The following ZSCAN25 variants were observed in gnomAD, a reference collection of about 807,000 sequenced individuals.
ZSCAN25 encodes the protein zinc finger and SCAN domain-containing protein 25.
A neutral mutation model predicts 38.7 loss-of-function variants in ZSCAN25; 27 were observed. The observed-to-expected ratio is 0.70, with a 90% CI of 0.51 to 0.96. The LOEUF is 0.96. Among genes scored for constraint, ZSCAN25 ranks in the 40% least tolerant of loss-of-function variants. The pLI is 0.00. For synonymous variants in ZSCAN25, 273 were observed against 277.7 expected, an observed-to-expected ratio of 0.98 and a Z score of 0.17; for missense variants, 637 against 705.9, an observed-to-expected ratio of 0.90 and a Z score of 1.11.
At chr7:99,678,841 T>C in the ZSCAN25 span, among the ~76,000 whole-genome samples, 1 of 152,164 alleles carries the variant, frequency 6.6e-6, no homozygotes, top group African/African-American at 2.4e-5. Flanking sequence ...TTAATAAAAG[T>C]CAAATTGAGG....
At chr7:99,648,022 T>C in the ZSCAN25 span, 6 of 985,180 alleles carry the variant, frequency 6.1e-6, no homozygotes, top group African/African-American at 8.7e-5. Flanking sequence ...TCAGGAGGAG[T>C]TGATAATGCT....
chr7:99,708,094 G>C, the ZSCAN25 span: 2 of 1,407,234 alleles, frequency 1.4e-6, no homozygotes, highest in Non-Finnish European at 2.0e-6. Flanking sequence ...TACTTTTGTG[G>C]GCTAGTCACT....
chr7:99,688,052 A>T, the ZSCAN25 span, among the ~76,000 whole-genome samples: 1 of 152,242 alleles, frequency 6.6e-6, no homozygotes, highest in East Asian at 1.9e-4. Flanking sequence ...AACTGGTACC[A>T]GCCACTGCAA....
the ZSCAN25 span, among the ~76,000 whole-genome samples, chr7:99,737,950 G>T: frequency 6.6e-6 from 1 of 152,174 alleles, no homozygotes; most frequent in Non-Finnish European, 1.5e-5. Flanking sequence ...TGTCAAGGAA[G>T]ATACTATGCA....
At chr7:99,648,968 C>T in the ZSCAN25 span, among the ~76,000 whole-genome samples, 67 of 152,216 alleles carry the variant, frequency 4.4e-4, no homozygotes, top group Non-Finnish European at 8.2e-4. Context: ...GTAGTGCAAA[C>T]GGGGAATTTC....
the ZSCAN25 span, among the ~76,000 whole-genome samples, chr7:99,646,770 T>C: frequency 6.6e-6 from 1 of 151,506 alleles, no homozygotes; most frequent in Non-Finnish European, 1.5e-5. Flanking sequence ...TCTAGCCCTA[T>C]CAGTGAAGTA....
At chr7:99,679,792 G>A in the ZSCAN25 span, 1 of 1,609,260 alleles carries the variant, frequency 6.2e-7, no homozygotes, top group Non-Finnish European at 8.5e-7. Context: ...CCAAGTCCAA[G>A]GAAACAAAGA....
At chr7:99,663,475 G>T in the ZSCAN25 span, 6 of 990,092 alleles carry the variant, frequency 6.1e-6, no homozygotes, top group Non-Finnish European at 7.2e-6. Flanking sequence ...AATTCTCAGA[G>T]AAGACCCCTG....
chr7:99,637,860 G>A, the ZSCAN25 span, among the ~76,000 whole-genome samples: 1 of 152,106 alleles, frequency 6.6e-6, no homozygotes, highest in Non-Finnish European at 1.5e-5. Context: ...TCTACAGCAA[G>A]TGATAAGGAA....
At chr7:99,627,664 C>A (rs2151289548) in intron 7 of ZSCAN25, among the ~76,000 whole-genome samples, 1 of 149,674 alleles carries the variant, frequency 6.7e-6, no homozygotes, top group Non-Finnish European at 1.5e-5. Flanking sequence ...TATATGTATA[C>A]TATATACGTA....
the ZSCAN25 span, chr7:99,652,714 G>C: frequency 1.2e-6 from 2 of 1,614,112 alleles, no homozygotes; most frequent in Non-Finnish European, 1.7e-6. Flanking sequence ...GGAATAATCT[G>C]AGTGTTTCAT....
At chr7:99,682,321 C>G in the ZSCAN25 span, among the ~76,000 whole-genome samples, 1 of 152,198 alleles carries the variant, frequency 6.6e-6, no homozygotes, top group Non-Finnish European at 1.5e-5. Context: ...TGGTGAGATA[C>G]AGGGTTCTAG....
chr7:99,699,794 C>A, the ZSCAN25 span, among the ~76,000 whole-genome samples: 112 of 152,316 alleles, frequency 7.4e-4, no homozygotes, highest in African/African-American at 2.5e-3. Context: ...TTATTTATTT[C>A]TTCATAAATC....
the ZSCAN25 span, chr7:99,708,095 G>A: frequency 7.2e-7 from 1 of 1,389,372 alleles, no homozygotes; most frequent in Non-Finnish European, 1.0e-6. Context: ...ACTTTTGTGG[G>A]CTAGTCACTG....
the ZSCAN25 span, among the ~76,000 whole-genome samples, chr7:99,644,419 C>T: frequency 1.3e-5 from 2 of 152,144 alleles, no homozygotes; most frequent in Non-Finnish European, 2.9e-5. Flanking sequence ...GATATTTGAT[C>T]TGAGCCTTGA....
At chr7:99,731,035 A>G in the ZSCAN25 span, 15 of 1,613,294 alleles carry the variant, frequency 9.3e-6, no homozygotes, top group Non-Finnish European at 1.3e-5. Context: ...TAAGAAGCAA[A>G]AGAGGAAGCT....
the ZSCAN25 span, chr7:99,707,702 A>G: frequency 6.5e-6 from 10 of 1,532,336 alleles, no homozygotes; most frequent in Non-Finnish European, 8.9e-6. Context: ...TCCTTGGCCC[A>G]TAGAACAAAT....
At chr7:99,735,536 G>A in the ZSCAN25 span, among the ~76,000 whole-genome samples, 1 of 152,106 alleles carries the variant, frequency 6.6e-6, no homozygotes, top group African/African-American at 2.4e-5. Context: ...AACAAGCCAT[G>A]CCTACAGATC....
At chr7:99,671,215 C>T in the ZSCAN25 span, 2 of 153,148 alleles carry the variant, frequency 1.3e-5, no homozygotes, top group East Asian at 3.8e-4. Flanking sequence ...CCCAGGGAAG[C>T]CAAAAGATTG....
Sources: gnomAD v4.1 joint callset for allele counts (sites outside exome capture counted in the v4.1 genomes callset) on GRCh38, gnomAD v4.1.1 for gene constraint, MANE v1.5 for transcripts, NCBI Gene and HGNC (gene_info 2026-07-23, HGNC 2026-07-21) for gene names.